SLC44A5: variants seen among roughly 807,000 people sequenced by gnomAD.
SLC44A5 encodes solute carrier family 44 member 5.
Under a neutral mutation model 101.8 loss-of-function variants are expected in SLC44A5, and 57 were observed. That is an observed-to-expected ratio of 0.56 (90% CI 0.45 to 0.70). SLC44A5 has a LOEUF of 0.70. Among genes scored for constraint, SLC44A5 ranks in the 30% least tolerant of loss-of-function variants. The probability of loss-of-function intolerance (pLI) is 0.00; values close to 1 mark genes in which losing one functional copy is unlikely to be tolerated. For synonymous variants in SLC44A5, 281 were observed against 290.9 expected (o/e 0.97, Z 0.35); for missense variants, 737 against 853.1 (o/e 0.86, Z 1.70).
intron 1 of SLC44A5, chr1:75,582,390 T>C (rs1673747152): frequency 1.3e-6 from 1 of 771,634 alleles, no homozygotes; most frequent in African/African-American, 1.7e-5. Context: ...CTTGCCCACA[T>C]TGCCCACTCC....
the SLC44A5 span, among the ~76,000 whole-genome samples, chr1:75,651,781 C>T: frequency 6.6e-6 from 1 of 151,542 alleles, no homozygotes; most frequent in African/African-American, 2.4e-5. Context: ...TGATTATCTG[C>T]TTCCCTCCTT....
chr1:75,237,676 G>C (rs1000823231), intron 10 of SLC44A5, among the ~76,000 whole-genome samples: 1 of 151,902 alleles, frequency 6.6e-6, no homozygotes, highest in Admixed American at 6.6e-5. Context: ...GCATCACAGG[G>C]AAATAAATTT....
chr1:75,491,821 T>C (rs1668441516), intron 2 of SLC44A5, among the ~76,000 whole-genome samples: 1 of 152,122 alleles, frequency 6.6e-6, no homozygotes, highest in South Asian at 2.1e-4. Context: ...GAACATCAGT[T>C]GCTTGTTTCT....
chr1:75,293,847 A>T (rs1474689288), intron 5 of SLC44A5, among the ~76,000 whole-genome samples: 1 of 152,306 alleles, frequency 6.6e-6, no homozygotes, highest in Non-Finnish European at 1.5e-5. Context: ...AACTCACTCA[A>T]TACTAAAATA....
chr1:75,512,912 T>C (rs1048308034), intron 2 of SLC44A5, among the ~76,000 whole-genome samples: 2 of 152,236 alleles, frequency 1.3e-5, no homozygotes, highest in South Asian at 2.1e-4. Flanking sequence ...TTCATTATTA[T>C]TACTAATTTA....
chr1:75,705,229 T>C, the SLC44A5 span, among the ~76,000 whole-genome samples: 3 of 152,208 alleles, frequency 2.0e-5, no homozygotes, highest in African/African-American at 4.8e-5. Flanking sequence ...GCTTGTCCAA[T>C]CATAAGAGTG....
chr1:75,478,440 G>A (rs1031341712), intron 2 of SLC44A5, among the ~76,000 whole-genome samples: 74 of 152,238 alleles, frequency 4.9e-4, no homozygotes, highest in African/African-American at 3.6e-4. Flanking sequence ...TGCTCCAATG[G>A]AAAGACACAG....
the SLC44A5 span, among the ~76,000 whole-genome samples, chr1:75,723,237 G>A: frequency 2.6e-5 from 4 of 152,192 alleles, no homozygotes; most frequent in African/African-American, 9.6e-5. Flanking sequence ...ACTAGCGAGC[G>A]GCAACCTTTC....
intron 2 of SLC44A5, among the ~76,000 whole-genome samples, chr1:75,444,677 G>A (rs951387283): frequency 4.6e-5 from 7 of 151,970 alleles, no homozygotes; most frequent in Admixed American, 2.6e-4. Context: ...GAGATAGCAG[G>A]ATGATTATAA....
intron 7 of SLC44A5, among the ~76,000 whole-genome samples, chr1:75,246,415 A>G (rs908636675): frequency 4.6e-5 from 7 of 152,120 alleles, no homozygotes; most frequent in African/African-American, 1.7e-4. Context: ...TCATTTGTTC[A>G]TTCATTTAAT....
intron 2 of SLC44A5, among the ~76,000 whole-genome samples, chr1:75,484,543 T>C (rs986759166): frequency 1.3e-5 from 2 of 152,224 alleles, no homozygotes; most frequent in African/African-American, 2.4e-5. Context: ...CTAGCTGGCA[T>C]TGAGTGCCTG....
intron 2 of SLC44A5, among the ~76,000 whole-genome samples, chr1:75,538,414 T>C (rs914230455): frequency 6.6e-6 from 1 of 152,158 alleles, no homozygotes; most frequent in Admixed American, 6.5e-5. Context: ...GTAAAATAGA[T>C]TTAGATAGCT....
chr1:75,476,410 G>A (rs1186589999), intron 2 of SLC44A5, among the ~76,000 whole-genome samples: 2 of 152,124 alleles, frequency 1.3e-5, no homozygotes, highest in Non-Finnish European at 2.9e-5. Flanking sequence ...CAGGACAGTG[G>A]GTGCAGCGCA....
Position 75,542,108 on chromosome 1 carries a change from C to T in SLC44A5, c.-69-592G>A, listed in dbSNP as rs573768532. Among the ~76,000 whole-genome samples, 6 of 152,260 alleles carry T rather than the reference C, an allele frequency of 3.9e-5. 1 individual carries two copies. In the South Asian group the frequency reaches 8.3e-4, roughly 21 times the overall value. On this transcript the variant is annotated intron_variant, in intron 1 of 23. Transcript: ENST00000370859. Reference sequence around the variant, plus strand: ...ATTCAATTTTACCACATAGAAACCACTGCTAAAATTTTGGTATTTTTCCTT... The same window carrying T: ...ATTCAATTTTACCACATAGAAACCATTGCTAAAATTTTGGTATTTTTCCTT...
At chr1:75,558,446 T>C (rs904004973) in intron 1 of SLC44A5, among the ~76,000 whole-genome samples, 2 of 152,098 alleles carry the variant, frequency 1.3e-5, no homozygotes, top group Non-Finnish European at 2.9e-5. Context: ...GACGTGAGTA[T>C]TCAAGCACAG....
intron 6 of SLC44A5, among the ~76,000 whole-genome samples, chr1:75,253,521 A>G (rs1227716553): frequency 6.6e-6 from 1 of 151,992 alleles, no homozygotes; most frequent in East Asian, 1.9e-4. Flanking sequence ...CACAATATGT[A>G]CAAGGCTACT....
intron 6 of SLC44A5, among the ~76,000 whole-genome samples, chr1:75,272,701 G>C (rs753477113): frequency 2.6e-5 from 4 of 151,964 alleles, no homozygotes; most frequent in Non-Finnish European, 5.9e-5. Context: ...TGGGTGTTAA[G>C]TATTTGGCTT....
chr1:75,492,635 C>T (rs570609055), intron 2 of SLC44A5, among the ~76,000 whole-genome samples: 1 of 152,054 alleles, frequency 6.6e-6, no homozygotes, highest in East Asian at 1.9e-4. Flanking sequence ...TTATTAAATA[C>T]ACATAGATAA....
At chr1:75,471,856 A>G (rs1299953918) in intron 2 of SLC44A5, among the ~76,000 whole-genome samples, 1 of 145,974 alleles carries the variant, frequency 6.9e-6, no homozygotes, top group African/African-American at 2.5e-5. Flanking sequence ...CCTAAGGACC[A>G]TGAACAAGGA....
Sources: allele counts gnomAD v4.1 joint callset (sites outside exome capture counted in the v4.1 genomes callset), GRCh38; gene constraint gnomAD v4.1.1; transcripts MANE v1.5; gene names NCBI Gene and HGNC (gene_info 2026-07-23, HGNC 2026-07-21).